The following ABCA8 variants were observed in gnomAD, a reference collection of about 807,000 sequenced individuals.
The protein encoded by ABCA8 is ATP binding cassette subfamily A member 8.
A neutral mutation model predicts 192.3 loss-of-function variants in ABCA8; 177 were observed. The ratio of observed to expected loss-of-function variants is 0.92; its 90% confidence interval spans 0.81 to 1.04. The LOEUF (loss-of-function observed/expected upper bound fraction) is 1.04, where lower values mean the gene tolerates loss of function less well. Ranked by LOEUF, ABCA8 falls within the 50% of genes least tolerant of loss-of-function variation. ABCA8 has a pLI of 0.00. For synonymous variants in ABCA8, 642 were observed against 690.2 expected (o/e 0.93, Z 1.09); for missense variants, 1,915 against 1,904.8 (o/e 1.01, Z -0.10).
chr17:68,927,541 T>G (rs1398181663), intron 10 of ABCA8, among the ~76,000 whole-genome samples: 1 of 152,152 alleles, frequency 6.6e-6, no homozygotes, highest in Non-Finnish European at 1.5e-5. Flanking sequence ...TTCACATGAT[T>G]CTGTTGTCCA....
Position 68,917,408 on chromosome 17 carries a change from G to T in ABCA8, c.2091C>A (p.Gly697=). 6.2e-7 allele frequency: 1 copy of T among 1,612,328 alleles called. No homozygotes were observed. Among genetic ancestry groups the T allele is most frequent in the Non-Finnish European group, 8.5e-7 (1 of 1,179,014 alleles). ...ATTTCTTCTTTAGAAACAAAGAAGA[G>T]CCCGCGCACTTTAGCTTCCCTTGGG... is the stretch of plus-strand genomic sequence containing the variant. ...FLSQGKLKCA[G]SSLFLKKKWG... is the part of the protein sequence containing the mutation. The change falls in exon 17 of 40, where the codon GGC becomes GGA. Residue 697 remains glycine, a synonymous_variant. Coordinates refer to ENST00000586539, the MANE Select transcript of ABCA8 (RefSeq NM_001288985.2).
At chr17:68,950,055 GC>G (rs2068527126) in intron 1 of ABCA8, among the ~76,000 whole-genome samples, 1 of 152,170 alleles carries the variant, frequency 6.6e-6, no homozygotes, top group African/African-American at 2.4e-5. Context: ...CATAGTCTCA[GC>G]CCCAAAACTC....
At chr17:68,907,050 A>G (rs1044801015) in intron 18 of ABCA8, among the ~76,000 whole-genome samples, 11 of 152,186 alleles carry the variant, frequency 7.2e-5, no homozygotes, top group Non-Finnish European at 1.5e-4. Context: ...GTAAGATTTA[A>G]GCTAATAATG....
Position 68,884,409 on chromosome 17 carries a change from A to G in ABCA8, c.3550-13T>C. 1 of 1,575,470 alleles carries G rather than the reference A, an allele frequency of 6.3e-7. No individual in the cohort carries two copies. The highest frequency in any genetic ancestry group is 8.6e-7 in the Non-Finnish European group (1 of 1,167,014). On this transcript the variant is annotated splice_polypyrimidine_tract_variant and intron_variant, in intron 27 of 39. Coordinates refer to ENST00000586539, the MANE Select transcript of ABCA8 (RefSeq NM_001288985.2). ...AAGAAAAGAGAAGCTGCAAAAGAAA[A>G]GACAATTGCTAAACAGGGAGTTTTT...
chr17:68,885,094 C>A, intron 27 of ABCA8, 102 bp downstream of exon 27: 1 of 1,317,568 alleles, frequency 7.6e-7, no homozygotes, highest in South Asian at 1.6e-5. Context: ...TCTTTGAACC[C>A]CATGCACTTT....
chr17:68,889,539 T>A (rs2066574815), intron 24 of ABCA8, among the ~76,000 whole-genome samples: 1 of 152,194 alleles, frequency 6.6e-6, no homozygotes, highest in South Asian at 2.1e-4. Flanking sequence ...AATCTCTTTT[T>A]AATTTTGGGG....
rs57269613 is a variant in ABCA8 at position 68,919,022 on chromosome 17, G to A, written c.1788+279C>T. Among the ~76,000 whole-genome samples, 1,414 of 150,374 alleles carry A rather than the reference G, an allele frequency of 9.4e-3. 26 individuals are homozygous for A. The highest frequency in any genetic ancestry group is 0.033 in the African/African-American group (1,340 of 40,876). On this transcript the variant is annotated intron_variant, in intron 14 of 39. Coordinates refer to ENST00000586539, the MANE Select transcript of ABCA8 (RefSeq NM_001288985.2). ...ACACATTGACTACTAAGTTGGTCAA[G>A]TTCCTTGCTCTCTTGAACCACATGT...
chr17:68,946,604 A>C (rs2068416305), intron 2 of ABCA8, among the ~76,000 whole-genome samples: 1 of 152,266 alleles, frequency 6.6e-6, no homozygotes, highest in Middle Eastern at 3.4e-3. Flanking sequence ...CTAGATTATC[A>C]TGGGAAGATA....
chr17:68,946,166 C>A (rs1408089530), intron 2 of ABCA8, among the ~76,000 whole-genome samples: 1 of 151,994 alleles, frequency 6.6e-6, no homozygotes, highest in African/African-American at 2.4e-5. Context: ...CTCCCAGGTT[C>A]AAGCGATTCT....
At position 68,913,914 on chromosome 17, in the gene ABCA8, A is replaced by T. The variant is rs143457029; in HGVS notation, c.2138+3447T>A. On this transcript the variant is annotated intron_variant, in intron 17 of 39. Transcript: ENST00000586539. ...TTGATGTGAAAATCCTCATCAAAAT[A>T]CTAGCAAACCGAATTCAACAACACA... Among the ~76,000 whole-genome samples, 413 of 152,212 alleles carry T rather than the reference A, an allele frequency of 2.7e-3. 3 individuals are homozygous for T. The highest frequency in any genetic ancestry group is 9.5e-3 in the African/African-American group (395 of 41,576).
intron 7 of ABCA8, among the ~76,000 whole-genome samples, chr17:68,931,372 A>G (rs2067870734): frequency 6.6e-6 from 1 of 152,222 alleles, no homozygotes; most frequent in Non-Finnish European, 1.5e-5. Flanking sequence ...TTACTAAAGA[A>G]TGTTTAAAAG....
In ABCA8 at chr17:68,924,697, T is replaced by C; in HGVS notation, c.1442+4A>G. 6.2e-7 allele frequency: 1 copy of C among 1,611,996 alleles called. No homozygotes were observed. Among genetic ancestry groups the C allele is most frequent in the South Asian group, 1.1e-5 (1 of 90,796 alleles). On this transcript the variant is annotated splice_donor_region_variant and intron_variant, in intron 11 of 39. Coordinates refer to ENST00000586539, the MANE Select transcript of ABCA8 (RefSeq NM_001288985.2). ...GCCCTGTTCTCCACCTGCAGCCTTA[T>C]TACCTGATGGCTTCTTTCCCTTGGA...
chr17:68,904,075 A>G (rs937770818), intron 19 of ABCA8, among the ~76,000 whole-genome samples: 3 of 152,022 alleles, frequency 2.0e-5, no homozygotes, highest in Non-Finnish European at 4.4e-5. Context: ...GACACAAAAC[A>G]CACTGTGAAT....
rs1222598320 is a variant in ABCA8 at position 68,933,782 on chromosome 17, AAG to A, written c.467-513_467-512del. On this transcript the variant is annotated intron_variant, in intron 5 of 39. Transcript: ENST00000586539. ...TTTTGAAGAAAAGGATTTATTCAAA[AAG>A]AGCTGTCAGTCCATTTAATAGTAAA... Among the ~76,000 whole-genome samples, 19 of 152,188 alleles carry A rather than the reference AAG, an allele frequency of 1.2e-4. 1 individual carries two copies. The highest frequency in any genetic ancestry group is 4.6e-4 in the African/African-American group (19 of 41,462).
At chr17:68,893,612 C>CTTCCTTCCTTCATTCT in intron 23 of ABCA8, among the ~76,000 whole-genome samples, 1 of 145,710 alleles carries the variant, frequency 6.9e-6, no homozygotes, top group South Asian at 2.1e-4. Flanking sequence ...TCGTTCATTC[C>CTTCCTTCCTTCATTCT]TTCCTTCCTT....
Position 68,884,343 on chromosome 17 carries a change from C to T in ABCA8, c.3603G>A (p.Leu1201=). ...AGTGTGTTCTTACAATTAGGAATAC[C>T]AGAAATGGCTGTACATCCATTCGTT... The part of the protein sequence containing the change: ...SEERMDVQPF[L]VFLIPFLHFI... Residue 1201 remains leucine (L), a synonymous_variant, in exon 28 of 40, where the codon CTG becomes CTA. Coordinates refer to ENST00000586539, the MANE Select transcript of ABCA8 (RefSeq NM_001288985.2). 1 of 1,579,618 alleles carries T rather than the reference C, an allele frequency of 6.3e-7. No individual in the cohort carries two copies. Among genetic ancestry groups the T allele is most frequent in the Non-Finnish European group, 8.6e-7 (1 of 1,168,410 alleles).
intron 33 of ABCA8, 95 bp from the exon 34 acceptor site, chr17:68,876,798 G>C: frequency 6.8e-7 from 1 of 1,476,926 alleles, no homozygotes; most frequent in Non-Finnish European, 9.4e-7. Context: ...ACTCAAAAAT[G>C]CAGTTCTGGA....
intron 24 of ABCA8, among the ~76,000 whole-genome samples, chr17:68,889,306 G>A (rs1402090425): frequency 6.6e-6 from 1 of 152,110 alleles, no homozygotes; most frequent in African/African-American, 2.4e-5. Flanking sequence ...TAAATTCACC[G>A]CCTAAGATTG....
At chr17:68,887,881 CATATAT>C (rs1202636158) in intron 24 of ABCA8, among the ~76,000 whole-genome samples, 1 of 68,238 alleles carries the variant, frequency 1.5e-5, no homozygotes, top group Non-Finnish European at 2.5e-5. Context: ...TTCTCTCCTC[CATATAT>C]ATATATATAT....
Sources: gnomAD v4.1 joint callset for allele counts (sites outside exome capture counted in the v4.1 genomes callset) on GRCh38, gnomAD v4.1.1 for gene constraint, MANE v1.5 for transcripts, NCBI Gene and HGNC (gene_info 2026-07-23, HGNC 2026-07-21) for gene names.